Variants in BIN1 observed in about 807,000 individuals in gnomAD.
BIN1 encodes bridging integrator 1.
A neutral mutation model predicts 82.0 loss-of-function variants in BIN1; 53 were observed. That is an observed-to-expected ratio of 0.65 (90% CI 0.52 to 0.81). The LOEUF is 0.81. Ranked by LOEUF, BIN1 falls within the 40% of genes least tolerant of loss-of-function variation. The probability of loss-of-function intolerance (pLI) is 0.00; values close to 1 mark genes in which losing one functional copy is unlikely to be tolerated. For synonymous variants in BIN1, 302 were observed against 328.0 expected (o/e 0.92, Z 0.86); for missense variants, 642 against 784.4 (o/e 0.82, Z 2.17).
Position 127,089,001 on chromosome 2 carries a change from G to A in BIN1, c.85-12295C>T, listed in dbSNP as rs142126684. ...TGGCAGGGGGCAGGGAGGACCAGGA[G>A]GCCCTGAAACACCAGGTGCCAGGCT... On this transcript the variant is annotated intron_variant, in intron 1 of 18. Transcript: ENST00000316724. Among the ~76,000 whole-genome samples the A allele has an allele frequency of 3.7e-3, 557 of 152,234 alleles. 4 individuals carry two copies. The highest frequency in any genetic ancestry group is 0.013 in the African/African-American group (546 of 41,524).
intron 2 of BIN1, among the ~76,000 whole-genome samples, chr2:127,074,261 A>G (rs1045145475): frequency 3.3e-5 from 5 of 151,644 alleles, no homozygotes; most frequent in African/African-American, 1.2e-4. Context: ...AGTGACCTTC[A>G]CCCCATTCCT....
intron 1 of BIN1, among the ~76,000 whole-genome samples, chr2:127,092,861 C>A (rs184212408): frequency 6.6e-6 from 1 of 152,176 alleles, no homozygotes; most frequent in African/African-American, 2.4e-5. Context: ...GCCTGCACCC[C>A]CTGTGCCCGA....
At chr2:127,061,914 A>G (rs1684543487) in intron 10 of BIN1, among the ~76,000 whole-genome samples, 1 of 152,130 alleles carries the variant, frequency 6.6e-6, no homozygotes, top group Non-Finnish European at 1.5e-5. Context: ...CGACGAACAC[A>G]GCCAGAGGGG....
At chr2:127,099,672 C>T (rs887290614) in intron 1 of BIN1, among the ~76,000 whole-genome samples, 2 of 151,954 alleles carry the variant, frequency 1.3e-5, no homozygotes, top group African/African-American at 4.8e-5. Context: ...TGCCACTACA[C>T]CCAGCTAATT....
chr2:127,102,719 T>G (rs942258958), intron 1 of BIN1, among the ~76,000 whole-genome samples: 9 of 152,204 alleles, frequency 5.9e-5, no homozygotes, highest in African/African-American at 2.2e-4. Context: ...CACACGCCTT[T>G]ACCGAACACC....
chr2:127,090,043 C>T lies in BIN1; in HGVS notation c.85-13337G>A, dbSNP rs940873318. 1.3e-5 allele frequency among the ~76,000 whole-genome samples: 2 copies of T among 151,708 alleles called. No individual in the cohort carries two copies. Among genetic ancestry groups the T allele is most frequent in the African/African-American group, 4.8e-5 (2 of 41,250 alleles). ...GCACCTGCCGCCCAGTGCACCTGCT[C>T]CTGCGGCTCACAGTCCACTGCAGCA... is the stretch of plus-strand genomic sequence containing the variant. On this transcript the variant is annotated intron_variant, in intron 1 of 18. Coordinates refer to ENST00000316724, the MANE Select transcript of BIN1 (RefSeq NM_139343.3). This position sits in a 1 kb window ranked among gnomAD's most constrained non-coding sequence, Gnocchi z 6.4.
chr2:127,093,512 G>A lies in BIN1; in HGVS notation c.84+13348C>T, dbSNP rs1258577328. On this transcript the variant is annotated intron_variant, in intron 1 of 18. Coordinates refer to ENST00000316724, the MANE Select transcript of BIN1 (RefSeq NM_139343.3). The surrounding 1 kb of genome is among the most constrained non-coding windows in gnomAD (Gnocchi z 5.7). ...GGAAGCCACACAACACAGAGAGGCC[G>A]GAAAGAAGCCGAGCCGACAAGCCTT... Among the ~76,000 whole-genome samples, 3 of 152,146 alleles carry A rather than the reference G, an allele frequency of 2.0e-5. No individual in the cohort carries two copies. The highest frequency in any genetic ancestry group is 4.8e-5 in the African/African-American group (2 of 41,424).
At chr2:127,060,725 A>C (rs1444267391) in intron 10 of BIN1, 13 of 1,547,238 alleles carry the variant, frequency 8.4e-6, no homozygotes, top group Non-Finnish European at 1.2e-5. Context: ...CTCTTTGCCA[A>C]CCCTTCTGCT....
At chr2:127,051,841 C>CA (rs1682999885) in intron 15 of BIN1, among the ~76,000 whole-genome samples, 1 of 152,244 alleles carries the variant, frequency 6.6e-6, no homozygotes, top group Admixed American at 6.5e-5. Context: ...GGCCGACACT[C>CA]AGACTTGGCC....
Position 127,058,884 on chromosome 2 carries a change from C to G in BIN1, c.1002+127G>C, listed in dbSNP as rs992397482. The G allele has an allele frequency of 9.2e-6, 13 of 1,409,916 alleles. No homozygotes were observed. The African/African-American group carries it at 1.6e-4, about 17-fold the overall frequency. The allele number at this position is 1,409,916 out of a possible 1,614,324, so 87.3% of individuals were successfully genotyped here. ...AGGTCCAGGCCCAACCCCCACTGGG[C>G]AAAGCATCGGGTCCATAGCTGCCCA... On this transcript the variant is annotated intron_variant, in intron 11 of 18. Coordinates refer to ENST00000316724, the MANE Select transcript of BIN1 (RefSeq NM_139343.3).
chr2:127,064,817 G>A (rs898503497), intron 7 of BIN1: 2 of 153,188 alleles, frequency 1.3e-5, no homozygotes, highest in Non-Finnish European at 2.9e-5. Flanking sequence ...ACAGAGTGCT[G>A]GGGAAGGGAC....
intron 1 of BIN1, among the ~76,000 whole-genome samples, chr2:127,104,795 C>T (rs1680823489): frequency 6.6e-6 from 1 of 152,148 alleles, no homozygotes; most frequent in Non-Finnish European, 1.5e-5. Context: ...CATGGGGCTT[C>T]CTGCGAGCAG....
At chr2:127,104,321 G>A (rs1047807569) in intron 1 of BIN1, among the ~76,000 whole-genome samples, 1 of 152,210 alleles carries the variant, frequency 6.6e-6, no homozygotes, top group Non-Finnish European at 1.5e-5. Context: ...GGAGGCAGAA[G>A]GGTCAACAGG....
Position 127,053,409 on chromosome 2 carries a change from A to G in BIN1, c.1263+13T>C. 6.2e-7 allele frequency: 1 copy of G among 1,613,960 alleles called. No individual in the cohort carries two copies. The highest frequency in any genetic ancestry group is 1.1e-5 in the South Asian group (1 of 91,030). On this transcript the variant is annotated intron_variant, in intron 14 of 18. Transcript: ENST00000316724. ...CCCCCAGGGGCTGGACAAAGAGCAG[A>G]CGTGCAGCTTACCTCCCAGAGGTCC... is the stretch of plus-strand genomic sequence containing the variant.
chr2:127,048,810 G>A (rs1682504318), intron 18 of BIN1, among the ~76,000 whole-genome samples, 177 bp from the exon 19 acceptor site: 1 of 152,226 alleles, frequency 6.6e-6, no homozygotes, highest in Admixed American at 6.5e-5. Flanking sequence ...GCTGCTGGCT[G>A]AGGCTCCTGC....
At chr2:127,051,027 G>A (rs146032225) in intron 16 of BIN1, 115 bp from the exon 17 acceptor site, 71 of 1,502,526 alleles carry the variant, frequency 4.7e-5, no homozygotes, top group Middle Eastern at 4.1e-4. Context: ...GTGCCAGACC[G>A]GCCCGCCTCC....
In BIN1 at chr2:127,093,007, G is replaced by A. The variant is rs1184095364; in HGVS notation, c.84+13853C>T. Among the ~76,000 whole-genome samples, 2 of 152,076 alleles carry A rather than the reference G, an allele frequency of 1.3e-5. No homozygotes were observed. Among genetic ancestry groups the A allele is most frequent in the Non-Finnish European group, 2.9e-5 (2 of 67,994 alleles). On this transcript the variant is annotated intron_variant, in intron 1 of 18. Coordinates refer to ENST00000316724, the MANE Select transcript of BIN1 (RefSeq NM_139343.3). This position sits in a 1 kb window ranked among gnomAD's most constrained non-coding sequence, Gnocchi z 5.7. ...CCTCTAAAAAAAAAAAAAAATCCCA[G>A]GAGGGAGCCAAAGGAGTGGGGCACA... is the stretch of plus-strand genomic sequence containing the variant.
At chr2:127,065,331 C>G (rs1685018857) in intron 7 of BIN1, among the ~76,000 whole-genome samples, 2 of 152,082 alleles carry the variant, frequency 1.3e-5, no homozygotes, top group African/African-American at 4.8e-5. Context: ...ATGTCTATTC[C>G]AACATGCACA....
intron 14 of BIN1, 35 bp downstream of exon 14, chr2:127,053,387 C>A (rs1489928428): frequency 6.2e-7 from 1 of 1,613,506 alleles, no homozygotes; most frequent in Non-Finnish European, 8.5e-7. Context: ...AGTGGCTCCC[C>A]CAGGGGCTGG....
Sources: gnomAD v4.1 joint callset for allele counts (sites outside exome capture counted in the v4.1 genomes callset) on GRCh38, gnomAD v4.1.1 for gene constraint, Gnocchi (gnomAD v3.1) non-coding constraint, MANE v1.5 for transcripts, NCBI Gene and HGNC (gene_info 2026-07-23, HGNC 2026-07-21) for gene names.